Variants in TNFRSF10C observed in about 807,000 individuals in gnomAD.
TNFRSF10C encodes TNF receptor superfamily member 10c.
TNFRSF10C carries 17 observed loss-of-function variants against 16.7 expected under a neutral mutation model. The ratio of observed to expected loss-of-function variants is 1.02; its 90% CI spans 0.70 to 1.53. The LOEUF is 1.53. Among genes scored for constraint, TNFRSF10C ranks in the 40% most tolerant of loss-of-function variants. The pLI is 0.00. For synonymous variants in TNFRSF10C, 73 were observed against 119.7 expected, an observed-to-expected ratio of 0.61 and a Z score of 2.55; for missense variants, 237 against 329.7, an observed-to-expected ratio of 0.72 and a Z score of 2.18.
intron 1 of TNFRSF10C, among the ~76,000 whole-genome samples, chr8:23,110,941 C>G (rs1813868577): frequency 6.6e-6 from 1 of 151,978 alleles, no homozygotes; most frequent in Admixed American, 6.6e-5. Context: ...TTTTAAAATT[C>G]TTATAAAATC....
rs949354409 is a variant in TNFRSF10C, at chr8:23,114,738, C to G, written c.248C>G (p.Pro83Arg). The G allele has an allele frequency of 9.9e-6, 16 of 1,614,058 alleles. No individual in the cohort carries two copies. Among genetic ancestry groups the G allele is most frequent in the Non-Finnish European group, 1.3e-5 (15 of 1,179,938 alleles). Residue 83 changes from proline to arginine, a missense_variant, in exon 3 of 5, where the codon CCT (proline) becomes CGT (arginine). By Grantham distance (103) the Pro-to-Arg change is moderately radical. This residue lies in a region of TNFRSF10C where 212 missense variants were observed against 196.8 expected (regional missense o/e 1.08). Coordinates refer to ENST00000356864, the MANE Select transcript of TNFRSF10C (RefSeq NM_003841.5). ...TACACCAACGCTTCCAACAATGAAC[C>G]TTCTTGCTTCCCATGTACAGTTTGT... ...VDYTNASNNEPSCFPCTVCKS... is the reference protein window; with the variant it reads ...VDYTNASNNERSCFPCTVCKS...
rs192946577 is a variant in TNFRSF10C at position 23,114,737 on chromosome 8, C to A, written c.247C>A (p.Pro83Thr). The A allele has an allele frequency of 2.7e-5, 43 of 1,614,086 alleles. 1 individual carries two copies. Among genetic ancestry groups the A allele is most frequent in the South Asian group, 6.6e-5 (6 of 91,082 alleles). ...VDYTNASNNE[P>T]SCFPCTVCKS... is the part of the protein sequence containing the mutation. The stretch of plus-strand genomic sequence containing the variant: ...TTACACCAACGCTTCCAACAATGAA[C>A]CTTCTTGCTTCCCATGTACAGTTTG... The change falls in exon 3 of 5, where the codon CCT becomes ACT. Residue 83 changes from proline to threonine, a missense_variant. Physicochemically the swap from Pro to Thr is conservative, Grantham distance 38. Transcript: ENST00000356864.
chr8:23,114,261 T>C (rs1241715685), intron 2 of TNFRSF10C, among the ~76,000 whole-genome samples: 2 of 152,120 alleles, frequency 1.3e-5, no homozygotes, highest in Non-Finnish European at 2.9e-5. Context: ...GCAGATCACA[T>C]GTACAGTAGG....
At chr8:23,111,579 G>A (rs1265364476) in intron 1 of TNFRSF10C, 141 bp from the exon 2 acceptor site, 22 of 691,702 alleles carry the variant, frequency 3.2e-5, no homozygotes, top group East Asian at 1.1e-4. Flanking sequence ...ACACAGGTAT[G>A]AAAGAATGAA....
chr8:23,106,419 C>CT (rs1488465073), intron 1 of TNFRSF10C, among the ~76,000 whole-genome samples: 2 of 149,906 alleles, frequency 1.3e-5, no homozygotes, highest in African/African-American at 5.0e-5. Context: ...TTAGATGCCC[C>CT]CCCACCCGAT....
intron 3 of TNFRSF10C, among the ~76,000 whole-genome samples, chr8:23,115,041 G>A (rs1008190126): frequency 2.5e-4 from 38 of 151,334 alleles, no homozygotes; most frequent in Middle Eastern, 3.4e-3. Context: ...GACAGGGCTA[G>A]GTTTCAGTAG....
chr8:23,113,954 CAAAA>C (rs781288895), intron 2 of TNFRSF10C, among the ~76,000 whole-genome samples: 1 of 82,548 alleles, frequency 1.2e-5, no homozygotes. Context: ...GACTCTGTCT[CAAAA>C]AAAAAAAAAA....
Position 23,117,121 on chromosome 8 carries a change from C to T in TNFRSF10C, c.*90C>T, listed in dbSNP as rs1263254379. ...CGGGGGGCGCTGGACACTCTCTGCC[C>T]TGCCTCCCTCTGCTGTGTTCCCACA... is the stretch of plus-strand genomic sequence containing the variant. On this transcript the variant is annotated 3_prime_UTR_variant, in exon 5 of 5. Coordinates refer to ENST00000356864, the MANE Select transcript of TNFRSF10C (RefSeq NM_003841.5). The T allele has an allele frequency of 1.3e-6, 2 of 1,535,026 alleles. No individual in the cohort carries two copies. The highest frequency in any genetic ancestry group is 1.4e-5 in the African/African-American group (1 of 73,114).
Position 23,103,196 on chromosome 8 carries a change from C to T in TNFRSF10C, c.60+15C>T. 1.2e-6 allele frequency: 2 copies of T among 1,605,848 alleles called. No individual in the cohort carries two copies. The highest frequency in any genetic ancestry group is 8.5e-7 in the Non-Finnish European group (1 of 1,176,746). The stretch of plus-strand genomic sequence containing the variant: ...TCCTGCTGCCAGTGAGTCCCGGCCG[C>T]GGTCCCTGGCTGGGGAAGAGCGCAC... On this transcript the variant is annotated intron_variant, in intron 1 of 4. Transcript: ENST00000356864.
chr8:23,108,147 A>C (rs1459405322), intron 1 of TNFRSF10C, among the ~76,000 whole-genome samples: 2 of 152,164 alleles, frequency 1.3e-5, no homozygotes, highest in Admixed American at 6.5e-5. Flanking sequence ...TTTATTAAAA[A>C]GCTTTAGAAC....
At chr8:23,109,215 T>C (rs1376362610) in intron 1 of TNFRSF10C, among the ~76,000 whole-genome samples, 1 of 152,166 alleles carries the variant, frequency 6.6e-6, no homozygotes, top group African/African-American at 2.4e-5. Flanking sequence ...ATTATAGTGA[T>C]GATTGCATAG....
rs1443724053 is a variant in TNFRSF10C, at chr8:23,117,216, G to C, written c.*185G>C. 1.1e-6 allele frequency: 1 copy of C among 908,778 alleles called. No individual in the cohort carries two copies. The highest frequency in any genetic ancestry group is 1.7e-5 in the African/African-American group (1 of 59,418). 56.3% of individuals were successfully genotyped at this position (908,778 alleles called of 1,614,324 possible). A position where few individuals can be genotyped will look rare whatever the true frequency, so the allele number is the denominator to read the frequency against. On this transcript the variant is annotated 3_prime_UTR_variant, in exon 5 of 5. Coordinates refer to ENST00000356864, the MANE Select transcript of TNFRSF10C (RefSeq NM_003841.5). ...TGGCTCTATCTTCCTCCTTGTGATC[G>C]TCCCATCCCCACATCCCGTGCACCC...
At chr8:23,110,011 G>A (rs1260598434) in intron 1 of TNFRSF10C, among the ~76,000 whole-genome samples, 3 of 121,506 alleles carry the variant, frequency 2.5e-5, no homozygotes, top group African/African-American at 3.2e-5. Flanking sequence ...GTAGTGAACC[G>A]AGATTACACC....
chr8:23,103,132 T>A lies in TNFRSF10C; in HGVS notation c.11T>A (p.Ile4Asn). 2 of 1,612,046 alleles carry A rather than the reference T, an allele frequency of 1.2e-6. No individual in the cohort carries two copies. The highest frequency in any genetic ancestry group is 1.7e-6 in the Non-Finnish European group (2 of 1,179,348). Residue 4 changes from isoleucine to asparagine, a missense_variant, in exon 1 of 5, where the codon ATC becomes AAC. This residue lies in a region of TNFRSF10C where 212 missense variants were observed against 196.8 expected (regional missense o/e 1.08). Coordinates refer to ENST00000356864, the MANE Select transcript of TNFRSF10C (RefSeq NM_003841.5). ...GTCGGGAACCATACCATGGCCCGGA[T>A]CCCCAAGACCCTAAAGTTCGTCGTC... The part of the protein sequence containing the change: MAR[I>N]PKTLKFVVVI...
intron 2 of TNFRSF10C, among the ~76,000 whole-genome samples, chr8:23,112,271 T>C (rs1401231890): frequency 6.6e-6 from 1 of 152,246 alleles, no homozygotes; most frequent in Non-Finnish European, 1.5e-5. Context: ...GCGTGGGTTT[T>C]ATGCAATACT....
intron 1 of TNFRSF10C, among the ~76,000 whole-genome samples, chr8:23,103,755 G>GC (rs1354409154): frequency 1.1e-4 from 16 of 152,152 alleles, no homozygotes; most frequent in African/African-American, 3.9e-4. Context: ...AGGCAGGACC[G>GC]GGGCTGGCCC....
chr8:23,110,354 A>G (rs749866508), intron 1 of TNFRSF10C, among the ~76,000 whole-genome samples: 11 of 152,242 alleles, frequency 7.2e-5, no homozygotes, highest in Non-Finnish European at 1.3e-4. Flanking sequence ...TGAGCCCAAC[A>G]TAAGCAGCTT....
chr8:23,115,126 G>T (rs576642743), intron 3 of TNFRSF10C, among the ~76,000 whole-genome samples: 3 of 151,984 alleles, frequency 2.0e-5, no homozygotes, highest in Non-Finnish European at 4.4e-5. Context: ...GCCTCACTCA[G>T]CCTTCAGGTT....
Position 23,117,097 on chromosome 8 carries a change from G to C in TNFRSF10C, c.*66G>C, listed in dbSNP as rs780085879. 162 of 1,569,958 alleles carry C rather than the reference G, an allele frequency of 1.0e-4. No individual in the cohort carries two copies. The highest frequency in any genetic ancestry group is 1.4e-4 in the Non-Finnish European group (158 of 1,160,972). ...GTTCAGGTAGGCGCTGGCTGAGGGCGGGGGGCGCTGGACACTCTCTGCCCT... is the reference window on the plus strand; with the variant it reads ...GTTCAGGTAGGCGCTGGCTGAGGGCCGGGGGCGCTGGACACTCTCTGCCCT... On this transcript the variant is annotated 3_prime_UTR_variant, in exon 5 of 5. Transcript: ENST00000356864.
Sources: gnomAD v4.1 joint callset for allele counts (sites outside exome capture counted in the v4.1 genomes callset) on GRCh38, gnomAD v4.1.1 for gene constraint, gnomAD v4.1.1 regional missense constraint, MANE v1.5 for transcripts, NCBI Gene and HGNC (gene_info 2026-07-23, HGNC 2026-07-21) for gene names.